Variants in KYNU observed in about 807,000 individuals in gnomAD.
The protein encoded by KYNU is L-kynurenine hydrolase.
A neutral mutation model predicts 59.2 loss-of-function variants in KYNU; 54 were observed. The observed-to-expected ratio is 0.91, with a 90% CI of 0.73 to 1.14. The LOEUF (loss-of-function observed/expected upper bound fraction) is 1.14, where lower values mean the gene tolerates loss of function less well. Ranked by LOEUF, KYNU falls within the 50% of genes most tolerant of loss-of-function variation. The pLI is 0.00. For missense variants in KYNU, 567 were observed against 554.4 expected (o/e 1.02, Z -0.23); for synonymous variants, 177 against 192.0 (o/e 0.92, Z 0.65).
intron 4 of KYNU, among the ~76,000 whole-genome samples, chr2:142,938,508 T>C (rs1683468646): frequency 6.6e-6 from 1 of 152,150 alleles, no homozygotes; most frequent in Non-Finnish European, 1.5e-5. Context: ...TTGAGCAGGG[T>C]TTGAACAGTT....
intron 4 of KYNU, among the ~76,000 whole-genome samples, chr2:142,942,897 G>A (rs954479610): frequency 2.0e-5 from 3 of 152,136 alleles, no homozygotes; most frequent in African/African-American, 7.2e-5. Flanking sequence ...TGTGCAGTGT[G>A]TTTACTGGAG....
chr2:143,055,688 G>GAAAGGGAGGA lies in KYNU; in HGVS notation c.*13516_*13517insAAAGGGAGGA, dbSNP rs879328526. 8 of 142,650 alleles carry GAAAGGGAGGA rather than the reference G, an allele frequency of 5.6e-5. No homozygotes were observed. The highest frequency in any genetic ancestry group is 2.1e-4 in the Admixed American group (3 of 14,060). The allele number at this position is 142,650 out of a possible 1,614,324, so 8.8% of individuals were successfully genotyped here. ...GAAGGAAGGAAGGAAGGAAGGAAAG[G>GAAAGGGAGGA]GAGGAGAGGAGAGGAGAGGTAGGAG... On this transcript the variant is annotated 3_prime_UTR_variant, in exon 14 of 14. Transcript: ENST00000264170.
chr2:142,905,512 C>A (rs540040343), intron 2 of KYNU, among the ~76,000 whole-genome samples: 54 of 152,192 alleles, frequency 3.5e-4, no homozygotes, highest in Non-Finnish European at 6.3e-4. Context: ...GATTTAAATC[C>A]CCTGTTAGGA....
At chr2:142,991,719 T>G (rs1685403571) in intron 10 of KYNU, among the ~76,000 whole-genome samples, 1 of 151,918 alleles carries the variant, frequency 6.6e-6, no homozygotes, top group Non-Finnish European at 1.5e-5. Flanking sequence ...TTTCATTGAT[T>G]CTCTCAAAAC....
rs752806079 is a variant in KYNU at position 142,885,543 on chromosome 2, A to C, written c.169+7A>C. 2.0e-5 allele frequency: 32 copies of C among 1,610,830 alleles called. No individual in the cohort carries two copies. The East Asian group carries it at 6.9e-4, about 35-fold the overall frequency. ...ATACAGGATCTGCCTCCAGGTAAGAATGCTGGGAAGGTTTTTAAATTTTAT... is the reference window on the plus strand; with the variant it reads ...ATACAGGATCTGCCTCCAGGTAAGACTGCTGGGAAGGTTTTTAAATTTTAT... On this transcript the variant is annotated splice_region_variant and intron_variant, in intron 2 of 13. Transcript: ENST00000264170.
At chr2:142,980,747 G>A (rs1233150910) in intron 8 of KYNU, among the ~76,000 whole-genome samples, 1 of 152,092 alleles carries the variant, frequency 6.6e-6, no homozygotes, top group Non-Finnish European at 1.5e-5. Context: ...GTCAGTATGA[G>A]TGTGATTGTA....
At chr2:142,878,388 A>T (rs558603732) in intron 1 of KYNU, among the ~76,000 whole-genome samples, 1 of 152,316 alleles carries the variant, frequency 6.6e-6, no homozygotes, top group East Asian at 1.9e-4. Context: ...CTAGATATGA[A>T]ATATACACTC....
intron 10 of KYNU, among the ~76,000 whole-genome samples, chr2:143,018,700 A>C (rs971624677): frequency 2.6e-5 from 4 of 152,036 alleles, no homozygotes; most frequent in Non-Finnish European, 5.9e-5. Context: ...TTGATATAGG[A>C]ATGGTGTTGA....
chr2:142,937,400 T>A (rs1292984670), intron 4 of KYNU, among the ~76,000 whole-genome samples: 2 of 151,976 alleles, frequency 1.3e-5, no homozygotes, highest in African/African-American at 4.8e-5. Flanking sequence ...CTGCACAACC[T>A]AAAGAGTCTG....
intron 1 of KYNU, chr2:142,881,263 A>C (rs1681286846): frequency 6.6e-6 from 1 of 152,226 alleles, no homozygotes; most frequent in African/African-American, 2.4e-5. Flanking sequence ...TTTGTACAGA[A>C]CCATGGATTG....
intron 4 of KYNU, among the ~76,000 whole-genome samples, chr2:142,943,686 T>C (rs902924): frequency 0.18 from 28,099 of 152,108 alleles, 3,498 homozygotes; most frequent in African/African-American, 0.34. Flanking sequence ...AATGGTGTAA[T>C]GTGAACATAA....
intron 4 of KYNU, among the ~76,000 whole-genome samples, chr2:142,931,280 C>T (rs2105024486): frequency 6.6e-6 from 1 of 152,260 alleles, no homozygotes; most frequent in East Asian, 1.9e-4. Context: ...GGATAAGGGG[C>T]CTCTTTCTCA....
intron 12 of KYNU, among the ~76,000 whole-genome samples, chr2:143,037,904 G>A (rs1243566869): frequency 6.6e-6 from 1 of 152,132 alleles, no homozygotes; most frequent in Non-Finnish European, 1.5e-5. Context: ...GCCTCAGAAT[G>A]CAGTTGCCCT....
chr2:142,888,767 G>A (rs954727443), intron 2 of KYNU, among the ~76,000 whole-genome samples: 8 of 150,802 alleles, frequency 5.3e-5, no homozygotes, highest in Non-Finnish European at 7.4e-5. Flanking sequence ...TCATGTATTC[G>A]GCAAATATTT....
intron 10 of KYNU, among the ~76,000 whole-genome samples, chr2:143,028,870 AACAAAACAAAAACAAT>A (rs1686656864): frequency 6.6e-6 from 1 of 151,884 alleles, no homozygotes; most frequent in South Asian, 2.1e-4. Context: ...AACAAAACAA[AACAAAACAAAAACAAT>A]ATGAAAGCAA....
chr2:142,980,460 C>T (rs375041857), intron 8 of KYNU, among the ~76,000 whole-genome samples: 5 of 152,130 alleles, frequency 3.3e-5, no homozygotes, highest in East Asian at 1.9e-4. Flanking sequence ...CTTATTTTAC[C>T]CAGGCCCTAC....
At chr2:143,004,460 C>T (rs1384927672) in intron 10 of KYNU, among the ~76,000 whole-genome samples, 1 of 152,126 alleles carries the variant, frequency 6.6e-6, no homozygotes, top group African/African-American at 2.4e-5. Flanking sequence ...CCTGTATTCC[C>T]AGCACTTTGG....
intron 4 of KYNU, among the ~76,000 whole-genome samples, chr2:142,950,791 T>C (rs946990186): frequency 2.0e-5 from 3 of 152,250 alleles, no homozygotes; most frequent in Non-Finnish European, 4.4e-5. Context: ...GAGACCTAGC[T>C]TTCAGCCTAC....
At chr2:142,956,092 T>A (rs1478112830) in intron 5 of KYNU, 111 bp from the exon 6 acceptor site, 3 of 637,328 alleles carry the variant, frequency 4.7e-6, no homozygotes, top group Non-Finnish European at 8.3e-6. Context: ...AGATGTTGAG[T>A]TAATTAATGT....
Sources: gnomAD v4.1 joint callset for allele counts (sites outside exome capture counted in the v4.1 genomes callset) on GRCh38, gnomAD v4.1.1 for gene constraint, MANE v1.5 for transcripts, NCBI Gene and HGNC (gene_info 2026-07-23, HGNC 2026-07-21) for gene names.